SPTB: variants seen among roughly 807,000 people sequenced by gnomAD.
SPTB encodes spectrin beta, erythrocytic, also known as spectrin beta chain, erythrocytic.
In SPTB, 45 loss-of-function variants were observed where a neutral mutation model predicts 256.2. That is an observed-to-expected ratio of 0.18 (90% CI 0.14 to 0.23). The LOEUF (loss-of-function observed/expected upper bound fraction) is 0.23, where lower values mean the gene tolerates loss of function less well. Ranked by LOEUF, SPTB falls within the 10% of genes least tolerant of loss-of-function variation. The pLI, the probability that SPTB is intolerant of heterozygous loss-of-function variation, is 1.00. For missense variants in SPTB, 2,715 were observed against 3,040.4 expected (o/e 0.89, Z 2.52); for synonymous variants, 1,231 against 1,243.1 (o/e 0.99, Z 0.21).
chr14:64,749,745 G>A lies in SPTB; in HGVS notation c.6777-49C>T, dbSNP rs746511800. On this transcript the variant is annotated intron_variant, in intron 34 of 35. Coordinates refer to ENST00000644917, the MANE Select transcript of SPTB (RefSeq NM_001355436.2). The surrounding 1 kb of genome is among the most constrained non-coding windows in gnomAD (Gnocchi z 4.7). ...TCATGGAGACACCTCTGGAGGGGGCGCTGGGCAGAGGGCTGGCTCTGATCC... is the reference window on the plus strand; with the variant it reads ...TCATGGAGACACCTCTGGAGGGGGCACTGGGCAGAGGGCTGGCTCTGATCC... 13 of 1,600,616 alleles carry A rather than the reference G, an allele frequency of 8.1e-6. No homozygotes were observed. In the Admixed American group the frequency reaches 8.6e-5, roughly 11 times the overall value.
Position 64,844,390 on chromosome 14 carries a change from T to C in SPTB, c.-51-21245A>G, listed in dbSNP as rs1566798989. On this transcript the variant is annotated intron_variant, in intron 1 of 35. Transcript: ENST00000644917. This position sits in a 1 kb window ranked among gnomAD's most constrained non-coding sequence, Gnocchi z 4.1. ...ATCACCCCCAACAACGAAACAACCATGTTTAGTGAGTACTTAGAACATGTG... is the reference window on the plus strand; with the variant it reads ...ATCACCCCCAACAACGAAACAACCACGTTTAGTGAGTACTTAGAACATGTG... Among the ~76,000 whole-genome samples, 1 of 152,220 alleles carries C rather than the reference T, an allele frequency of 6.6e-6. No homozygotes were observed. The highest frequency in any genetic ancestry group is 1.5e-5 in the Non-Finnish European group (1 of 68,032).
At position 64,827,333 on chromosome 14, in the gene SPTB, C is replaced by T. The variant is rs927494749; in HGVS notation, c.-51-4188G>A. 2.0e-5 allele frequency among the ~76,000 whole-genome samples: 3 copies of T among 152,184 alleles called. No individual in the cohort carries two copies. Among genetic ancestry groups the T allele is most frequent in the African/African-American group, 7.2e-5 (3 of 41,440 alleles). On this transcript the variant is annotated intron_variant, in intron 1 of 35. Transcript: ENST00000644917. This position sits in a 1 kb window ranked among gnomAD's most constrained non-coding sequence, Gnocchi z 4.6. ...GGGAAACCGGGGGAATACAGGGCAA[C>T]GCAGGGCTGAGGAGCAGGCTGTTGA...
intron 1 of SPTB, among the ~76,000 whole-genome samples, chr14:64,875,271 C>T (rs1456213633): frequency 2.6e-5 from 4 of 152,200 alleles, no homozygotes; most frequent in African/African-American, 9.7e-5. Flanking sequence ...ATGACCACCT[C>T]TAAGACTACG....
chr14:64,874,152 CCCTAA>C (rs1882693478), intron 1 of SPTB, among the ~76,000 whole-genome samples: 1 of 152,196 alleles, frequency 6.6e-6, no homozygotes, highest in South Asian at 2.1e-4. Context: ...ACACTTCATC[CCCTAA>C]CCTAATCATG....
chr14:64,783,792 G>T (rs576970248), intron 19 of SPTB, among the ~76,000 whole-genome samples: 1 of 152,144 alleles, frequency 6.6e-6, no homozygotes, highest in Non-Finnish European at 1.5e-5. Flanking sequence ...GGGTCCCTTG[G>T]TTCGCCATCT....
At chr14:64,753,374 T>A (rs2081977564) in intron 33 of SPTB, among the ~76,000 whole-genome samples, 163 bp downstream of exon 33, 1 of 152,120 alleles carries the variant, frequency 6.6e-6, no homozygotes, top group Non-Finnish European at 1.5e-5. Context: ...TCATGCCAAG[T>A]AGCCCTCGGG....
intron 3 of SPTB, 149 bp downstream of exon 3, chr14:64,804,790 C>G (rs373198800): frequency 1.2e-5 from 13 of 1,041,512 alleles, no homozygotes; most frequent in Non-Finnish European, 1.9e-5. Flanking sequence ...GTCAGCCACA[C>G]GGATGCTTCC....
In SPTB at chr14:64,760,031, G is replaced by A. The variant is rs759972929; in HGVS notation, c.6346-6238C>T. On this transcript the variant is annotated intron_variant, in intron 32 of 35. Coordinates refer to ENST00000644917, the MANE Select transcript of SPTB (RefSeq NM_001355436.2). The surrounding 1 kb of genome is among the most constrained non-coding windows in gnomAD (Gnocchi z 4.3). Reference sequence around the variant, plus strand: ...GGAGGGCAGGGGACAAGCAGCATTGGTTGCTGGTTGACAGGGATCAGTGGA... The same window carrying A: ...GGAGGGCAGGGGACAAGCAGCATTGATTGCTGGTTGACAGGGATCAGTGGA... Among the ~76,000 whole-genome samples, 3 of 152,172 alleles carry A rather than the reference G, an allele frequency of 2.0e-5. No individual in the cohort carries two copies. The highest frequency in any genetic ancestry group is 4.4e-5 in the Non-Finnish European group (3 of 68,032).
intron 1 of SPTB, among the ~76,000 whole-genome samples, chr14:64,851,734 G>C (rs2083790379): frequency 6.6e-6 from 1 of 152,138 alleles, no homozygotes; most frequent in Non-Finnish European, 1.5e-5. Flanking sequence ...TGGAGCTGGA[G>C]CCACTATCCT....
chr14:64,860,190 C>A (rs1186433847), intron 1 of SPTB, among the ~76,000 whole-genome samples: 1 of 152,176 alleles, frequency 6.6e-6, no homozygotes, highest in Non-Finnish European at 1.5e-5. Flanking sequence ...TGACATGAAC[C>A]AAGCAAAGAA....
chr14:64,766,428 T>C (rs964790074), intron 32 of SPTB: 6 of 1,402,770 alleles, frequency 4.3e-6, no homozygotes, highest in Non-Finnish European at 5.6e-6. Context: ...AATGGTGATA[T>C]ATTTATACAA....
chr14:64,839,523 T>C (rs930790324), intron 1 of SPTB, among the ~76,000 whole-genome samples: 3 of 152,196 alleles, frequency 2.0e-5, no homozygotes, highest in South Asian at 2.1e-4. Context: ...TCAAAACCTA[T>C]AGAAATTTAC....
intron 1 of SPTB, among the ~76,000 whole-genome samples, chr14:64,874,437 C>T (rs1348216058): frequency 1.3e-5 from 2 of 152,150 alleles, no homozygotes; most frequent in East Asian, 3.9e-4. Flanking sequence ...TGGTAGACAC[C>T]CAATGTCTGC....
intron 2 of SPTB, among the ~76,000 whole-genome samples, chr14:64,821,736 T>C (rs908985978): frequency 1.3e-5 from 2 of 152,110 alleles, no homozygotes; most frequent in African/African-American, 4.8e-5. Flanking sequence ...GAGTTTCCTG[T>C]AAAGAGCAAG....
At chr14:64,861,865 A>G (rs1283235151) in intron 1 of SPTB, among the ~76,000 whole-genome samples, 1 of 152,152 alleles carries the variant, frequency 6.6e-6, no homozygotes, top group Non-Finnish European at 1.5e-5. Context: ...ACGATTAACC[A>G]TCCTTTTCTC....
intron 1 of SPTB, among the ~76,000 whole-genome samples, chr14:64,834,980 T>C (rs2083501438): frequency 6.6e-6 from 1 of 152,234 alleles, no homozygotes; most frequent in Non-Finnish European, 1.5e-5. Flanking sequence ...GTCTAACCTA[T>C]AAATAATATA....
chr14:64,752,141 T>C, intron 33 of SPTB: 2 of 1,292,654 alleles, frequency 1.5e-6, no homozygotes, highest in Non-Finnish European at 2.0e-6. Flanking sequence ...ATAGGGCTCA[T>C]GTCAACTGGC....
In SPTB at chr14:64,796,525, T is replaced by C. The variant is rs759525784; in HGVS notation, c.1341+32A>G. The C allele has an allele frequency of 6.2e-7, 1 of 1,613,866 alleles. No homozygotes were observed. The highest frequency in any genetic ancestry group is 2.2e-5 in the East Asian group (1 of 44,868). ...GCTGGGGGCTCTGAAGAATGTCCCC[T>C]CTCCTGTCACCCAAAGCATGTCCCT... On this transcript the variant is annotated intron_variant, in intron 11 of 35. Coordinates refer to ENST00000644917, the MANE Select transcript of SPTB (RefSeq NM_001355436.2). This position sits in a 1 kb window ranked among gnomAD's most constrained non-coding sequence, Gnocchi z 4.1.
At position 64,751,946 on chromosome 14, in the gene SPTB, T is replaced by TAAAAAAAAAA. The variant is rs1566731898; in HGVS notation, c.6602+1590_6602+1591insTTTTTTTTTT. Among the ~76,000 whole-genome samples, 33 of 90,476 alleles carry TAAAAAAAAAA rather than the reference T, an allele frequency of 3.6e-4. 2 individuals carry two copies. The highest frequency in any genetic ancestry group is 7.1e-4 in the South Asian group (2 of 2,816). 59.4% of individuals were successfully genotyped at this position (90,476 alleles called of 152,430 possible). On this transcript the variant is annotated intron_variant, in intron 33 of 35. Transcript: ENST00000644917. ...AAAATGCAAAAAAAAAAAAAAAAATTAGCCAGGCGTGGTGGCACGTGCCTG... is the reference window on the plus strand; with the variant it reads ...AAAATGCAAAAAAAAAAAAAAAAATTAAAAAAAAAAAGCCAGGCGTGGTGGCACGTGCCTG...
Sources: allele counts gnomAD v4.1 joint callset (sites outside exome capture counted in the v4.1 genomes callset), GRCh38; gene constraint gnomAD v4.1.1; non-coding constraint Gnocchi (gnomAD v3.1); transcripts MANE v1.5; gene names NCBI Gene and HGNC (gene_info 2026-07-23, HGNC 2026-07-21).